Variants in EGFLAM observed in about 807,000 individuals in gnomAD.
The protein encoded by EGFLAM is pikachurin.
EGFLAM carries 79 observed loss-of-function variants against 113.1 expected under a neutral mutation model. That is an observed-to-expected ratio of 0.70 (90% CI 0.58 to 0.84). The LOEUF (loss-of-function observed/expected upper bound fraction) is 0.84. Ranked by LOEUF, EGFLAM falls within the 40% of genes least tolerant of loss-of-function variation. The pLI is 0.00. For synonymous variants in EGFLAM, 504 were observed against 487.6 expected (o/e 1.03, Z -0.44); for missense variants, 1,265 against 1,291.6 (o/e 0.98, Z 0.32).
intron 1 of EGFLAM, among the ~76,000 whole-genome samples, chr5:38,300,194 G>A (rs1330121949): frequency 6.6e-6 from 1 of 152,150 alleles, no homozygotes; most frequent in Non-Finnish European, 1.5e-5. Flanking sequence ...CCGAGGTGGG[G>A]GTGTGGCTGG....
At chr5:38,354,521 G>A (rs1739712639) in intron 5 of EGFLAM, among the ~76,000 whole-genome samples, 1 of 152,168 alleles carries the variant, frequency 6.6e-6, no homozygotes, top group African/African-American at 2.4e-5. Flanking sequence ...CTGAGGTCAG[G>A]AGTTCGAGAC....
chr5:38,310,417 G>A (rs538660619), intron 1 of EGFLAM, among the ~76,000 whole-genome samples: 10 of 152,268 alleles, frequency 6.6e-5, no homozygotes, highest in African/African-American at 2.4e-4. Context: ...AAGATTAAAT[G>A]AGTTCTACAT....
chr5:38,422,705 G>C (rs1741873175), intron 12 of EGFLAM, among the ~76,000 whole-genome samples: 1 of 152,174 alleles, frequency 6.6e-6, no homozygotes, highest in East Asian at 1.9e-4. Context: ...CAACAAGTAT[G>C]AATGATACTT....
chr5:38,457,540 ATCTCT>A (rs1249269906), intron 19 of EGFLAM, among the ~76,000 whole-genome samples: 2 of 151,866 alleles, frequency 1.3e-5, no homozygotes, highest in African/African-American at 4.8e-5. Context: ...CCATGTCCAA[ATCTCT>A]TCTCATAAAG....
At chr5:38,442,557 G>A (rs190989079) in intron 17 of EGFLAM, among the ~76,000 whole-genome samples, 175 of 151,986 alleles carry the variant, frequency 1.2e-3, no homozygotes, top group African/African-American at 3.9e-3. Flanking sequence ...TTTCAATTGC[G>A]TTTATCTTAC....
intron 6 of EGFLAM, among the ~76,000 whole-genome samples, chr5:38,383,495 CATTG>C (rs1274002374): frequency 6.6e-6 from 1 of 151,204 alleles, no homozygotes; most frequent in Non-Finnish European, 1.5e-5. Context: ...TCTGACTCTA[CATTG>C]ATTATTTTGC....
intron 7 of EGFLAM, 132 bp from the exon 8 acceptor site, chr5:38,406,696 G>A (rs1741296318): frequency 1.3e-6 from 1 of 785,444 alleles, no homozygotes; most frequent in Non-Finnish European, 2.0e-6. Flanking sequence ...AGTCAGTGCT[G>A]TCTTCCCCAT....
intron 19 of EGFLAM, chr5:38,451,714 G>A (rs887658794): frequency 2.2e-5 from 10 of 445,364 alleles, no homozygotes; most frequent in Non-Finnish European, 3.5e-5. Flanking sequence ...GCTGGGGCCG[G>A]GCACAGTGGC....
At chr5:38,453,896 C>G (rs1354046298) in intron 19 of EGFLAM, among the ~76,000 whole-genome samples, 1 of 152,144 alleles carries the variant, frequency 6.6e-6, no homozygotes, top group African/African-American at 2.4e-5. Context: ...CTGGAGAGCC[C>G]CCTCCCCTCT....
At chr5:38,430,096 C>T (rs1006210411) in intron 14 of EGFLAM, 7 of 229,976 alleles carry the variant, frequency 3.0e-5, no homozygotes, top group African/African-American at 1.6e-4. Flanking sequence ...ACGATGACAG[C>T]TTTGCGTCGG....
At chr5:38,293,561 A>T (rs568622667) in intron 1 of EGFLAM, among the ~76,000 whole-genome samples, 15 of 152,212 alleles carry the variant, frequency 9.9e-5, no homozygotes, top group Non-Finnish European at 2.2e-4. Context: ...AAAATGTGAA[A>T]ACATATTTTT....
At chr5:38,433,283 G>C (rs963322301) in intron 15 of EGFLAM, among the ~76,000 whole-genome samples, 5 of 152,140 alleles carry the variant, frequency 3.3e-5, no homozygotes, top group African/African-American at 1.2e-4. Flanking sequence ...CTGCTCAGCT[G>C]GCAGCTCTGA....
intron 11 of EGFLAM, among the ~76,000 whole-genome samples, chr5:38,413,641 G>C (rs1741554576): frequency 6.6e-6 from 1 of 152,182 alleles, no homozygotes; most frequent in South Asian, 2.1e-4. Flanking sequence ...AATCAGGCAG[G>C]TGTCTGTATT....
rs1002575034 is a variant in EGFLAM at position 38,464,774 on chromosome 5, A to G, written c.*788A>G. On this transcript the variant is annotated 3_prime_UTR_variant, in exon 22 of 22. Coordinates refer to ENST00000322350, the MANE Select transcript of EGFLAM (RefSeq NM_152403.4). ...CACACCTTTCCTAAAAATTTCTCCC[A>G]AGAGAGACTTGTTTGGGCCTTTTGT... 1.3e-5 allele frequency: 2 copies of G among 152,210 alleles called. No homozygotes were observed. The highest frequency in any genetic ancestry group is 2.4e-5 in the African/African-American group (1 of 41,446). 9.4% of individuals were successfully genotyped at this position (152,210 alleles called of 1,614,324 possible).
intron 12 of EGFLAM, among the ~76,000 whole-genome samples, chr5:38,419,325 T>C (rs1741755249): frequency 1.3e-5 from 2 of 152,178 alleles, no homozygotes; most frequent in African/African-American, 4.8e-5. Flanking sequence ...TCTGGGTCGA[T>C]ATCCCTATGA....
chr5:38,352,248 G>A lies in EGFLAM; in HGVS notation c.462G>A (p.Ser154=), dbSNP rs146327095. 6.4e-5 allele frequency: 103 copies of A among 1,613,962 alleles called. No individual in the cohort carries two copies. The highest frequency in any genetic ancestry group is 7.6e-5 in the Non-Finnish European group (90 of 1,180,024). Residue 154 remains serine, a synonymous_variant, in exon 5 of 22, where the codon TCG becomes TCA. Transcript: ENST00000322350. ...APQQPHVIVV[S]DSEVALSWKP... is the part of the protein sequence containing the mutation. ...AGCAGCCACATGTCATTGTGGTTTC[G>A]GATTCTGAGGTGGCCCTGTCTTGGA...
chr5:38,349,687 C>G lies in EGFLAM; in HGVS notation c.292-814C>G, dbSNP rs564119011. ...TTAGTGCTGTAGCTTTGGGGACACA[C>G]CACTTTTGCCAAAGCTCAAGGTGGA... On this transcript the variant is annotated intron_variant, in intron 3 of 21. Transcript: ENST00000322350. 5.9e-5 allele frequency among the ~76,000 whole-genome samples: 9 copies of G among 152,008 alleles called. No homozygotes were observed. The East Asian group carries it at 1.5e-3, about 26-fold the overall frequency.
chr5:38,446,037 C>T (rs189646040), intron 17 of EGFLAM, among the ~76,000 whole-genome samples: 14 of 152,252 alleles, frequency 9.2e-5, no homozygotes, highest in Admixed American at 3.9e-4. Context: ...CAGGCCCTGG[C>T]GGTACCTCTC....
At chr5:38,274,992 A>G (rs1347400697) in intron 1 of EGFLAM, among the ~76,000 whole-genome samples, 1 of 151,728 alleles carries the variant, frequency 6.6e-6, no homozygotes, top group Non-Finnish European at 1.5e-5. Context: ...TTTTTTTTCC[A>G]ATCAAAGTTA....
Sources: gnomAD v4.1 joint callset for allele counts (sites outside exome capture counted in the v4.1 genomes callset) on GRCh38, gnomAD v4.1.1 for gene constraint, MANE v1.5 for transcripts, NCBI Gene and HGNC (gene_info 2026-07-23, HGNC 2026-07-21) for gene names.